NOVA1: variants seen among roughly 807,000 people sequenced by gnomAD.
NOVA1 encodes NOVA alternative splicing regulator 1, also known as RNA-binding protein Nova-1.
NOVA1 carries 7 observed loss-of-function variants against 38.0 expected under a neutral mutation model. The observed-to-expected ratio is 0.18, with a 90% CI of 0.10 to 0.35. The LOEUF (loss-of-function observed/expected upper bound fraction) is 0.35. Among genes scored for constraint, NOVA1 ranks in the 10% least tolerant of loss-of-function variants. The pLI, the probability that NOVA1 is intolerant of heterozygous loss-of-function variation, is 1.00. For synonymous variants in NOVA1, 270 were observed against 232.5 expected (o/e 1.16, Z -1.47); for missense variants, 460 against 616.0 (o/e 0.75, Z 2.68).
intron 2 of NOVA1, among the ~76,000 whole-genome samples, chr14:26,509,149 G>C (rs1438877271): frequency 1.3e-5 from 2 of 152,062 alleles, no homozygotes; most frequent in East Asian, 3.9e-4. Context: ...CTTCAAAGAT[G>C]AGTACATTTT....
chr14:26,477,306 T>C (rs1260239418), intron 3 of NOVA1, among the ~76,000 whole-genome samples: 1 of 152,170 alleles, frequency 6.6e-6, no homozygotes, highest in Non-Finnish European at 1.5e-5. Context: ...TGATTTTTTT[T>C]AAATACAAGA....
At chr14:26,530,147 T>C (rs527481145) in intron 2 of NOVA1, among the ~76,000 whole-genome samples, 367 of 152,298 alleles carry the variant, frequency 2.4e-3, no homozygotes, top group Non-Finnish European at 4.3e-3. Flanking sequence ...CTCGATCTCC[T>C]GACCTCATGA....
chr14:26,494,178 A>C (rs1030348690), intron 2 of NOVA1, among the ~76,000 whole-genome samples: 2 of 152,088 alleles, frequency 1.3e-5, no homozygotes, highest in Non-Finnish European at 2.9e-5. Flanking sequence ...GGTTACCTCA[A>C]GTTTGAGCAT....
At chr14:26,496,195 G>C (rs1431358528) in intron 2 of NOVA1, among the ~76,000 whole-genome samples, 2 of 151,936 alleles carry the variant, frequency 1.3e-5, no homozygotes, top group African/African-American at 4.8e-5. Context: ...CATTCTAACT[G>C]GTGTGAGATG....
rs1451351341 is a variant in NOVA1, at chr14:26,448,585, A to G, written c.898T>C (p.Phe300Leu). 1 of 1,614,224 alleles carries G rather than the reference A, an allele frequency of 6.2e-7. No individual in the cohort carries two copies. Among genetic ancestry groups the G allele is most frequent in the Admixed American group, 1.7e-5 (1 of 60,022 alleles). ...GHANLAGVAA[F>L]PAVLSGFTGN... ...GTGAAGCCAGATAAAACTGCTGGAA[A>G]GGCTGCAACGCCAGCAAGGTTAGCA... The change falls in exon 5 of 5, where the codon TTT (phenylalanine) becomes CTT (leucine). Residue 300 changes from phenylalanine (F) to leucine (L), a missense_variant. By Grantham distance (22) the Phe-to-Leu change is conservative (BLOSUM62 0). Transcript: ENST00000539517. This position sits in a 1 kb window ranked among gnomAD's most constrained non-coding sequence, Gnocchi z 5.3.
chr14:26,554,438 A>C (rs950696243), intron 2 of NOVA1, among the ~76,000 whole-genome samples: 3 of 152,144 alleles, frequency 2.0e-5, no homozygotes, highest in Admixed American at 6.5e-5. Context: ...CCAACACTCT[A>C]TAATCTCCTA....
At chr14:26,583,219 ATAT>A (rs1893325375) in intron 2 of NOVA1, among the ~76,000 whole-genome samples, 1 of 151,728 alleles carries the variant, frequency 6.6e-6, no homozygotes, top group Non-Finnish European at 1.5e-5. Flanking sequence ...ATTCAAATAA[ATAT>A]TATTTGGAAA....
At chr14:26,567,882 C>T (rs1210318096) in intron 2 of NOVA1, among the ~76,000 whole-genome samples, 1 of 152,188 alleles carries the variant, frequency 6.6e-6, no homozygotes, top group Non-Finnish European at 1.5e-5. Flanking sequence ...CTCTGAACTG[C>T]TGCACCTTTA....
At position 26,572,889 on chromosome 14, in the gene NOVA1, A is replaced by T. The variant is rs1892579519; in HGVS notation, c.280+22521T>A. On this transcript the variant is annotated intron_variant, in intron 2 of 4. Coordinates refer to ENST00000539517, the MANE Select transcript of NOVA1 (RefSeq NM_002515.3). Reference sequence around the variant, plus strand: ...TTAGGGTAAGGTAATTTACAGAAAGACTTTATGTAAGGTATAAACAATCAC... The same window carrying T: ...TTAGGGTAAGGTAATTTACAGAAAGTCTTTATGTAAGGTATAAACAATCAC... Among the ~76,000 whole-genome samples the T allele has an allele frequency of 1.3e-5, 2 of 152,100 alleles. 1 individual carries two copies. Among genetic ancestry groups the T allele is most frequent in the South Asian group, 4.1e-4 (2 of 4,832 alleles).
chr14:26,456,340 G>A (rs1181896298), intron 4 of NOVA1, among the ~76,000 whole-genome samples: 3 of 151,946 alleles, frequency 2.0e-5, no homozygotes, highest in African/African-American at 7.2e-5. Context: ...TCCAAGTGAA[G>A]ATGCCAAATA....
intron 4 of NOVA1, among the ~76,000 whole-genome samples, chr14:26,467,421 T>C (rs1408104159): frequency 1.3e-5 from 2 of 152,248 alleles, no homozygotes; most frequent in South Asian, 4.1e-4. Flanking sequence ...CTGAAGTGGA[T>C]TTAAGAATGG....
chr14:26,452,663 G>A (rs1451321518), intron 4 of NOVA1, among the ~76,000 whole-genome samples: 3 of 152,060 alleles, frequency 2.0e-5, no homozygotes, highest in Admixed American at 6.5e-5. Context: ...CTAAAGAATC[G>A]GGAGAAAAGA....
intron 4 of NOVA1, among the ~76,000 whole-genome samples, chr14:26,451,506 TA>T (rs1024072247): frequency 1.3e-5 from 2 of 152,124 alleles, no homozygotes; most frequent in Non-Finnish European, 2.9e-5. Flanking sequence ...TAGCTGGGAC[TA>T]CAAGGCATGC....
chr14:26,486,879 C>T (rs1195358802), intron 2 of NOVA1, among the ~76,000 whole-genome samples: 2 of 151,546 alleles, frequency 1.3e-5, no homozygotes, highest in Non-Finnish European at 2.9e-5. Context: ...ATGCTTTCTT[C>T]TTAAAAGATT....
At chr14:26,530,140 G>A (rs923327417) in intron 2 of NOVA1, among the ~76,000 whole-genome samples, 2 of 152,090 alleles carry the variant, frequency 1.3e-5, no homozygotes, top group African/African-American at 2.4e-5. Context: ...GGATGGTCTC[G>A]ATCTCCTGAC....
intron 2 of NOVA1, among the ~76,000 whole-genome samples, chr14:26,544,628 T>G (rs1890675133): frequency 6.6e-6 from 1 of 151,988 alleles, no homozygotes; most frequent in African/African-American, 2.4e-5. Context: ...AAACATTTTC[T>G]TCATTACTTG....
chr14:26,451,129 A>T (rs1462718869), intron 4 of NOVA1, among the ~76,000 whole-genome samples: 2 of 152,276 alleles, frequency 1.3e-5, no homozygotes, highest in East Asian at 3.9e-4. Flanking sequence ...TTATTATTTT[A>T]TAACATTCAC....
intron 2 of NOVA1, among the ~76,000 whole-genome samples, chr14:26,501,155 A>C (rs1028855787): frequency 5.9e-5 from 9 of 152,200 alleles, no homozygotes; most frequent in Middle Eastern, 3.4e-3. Context: ...AATTTTACGA[A>C]GGTAGCAATT....
intron 2 of NOVA1, among the ~76,000 whole-genome samples, chr14:26,586,252 T>G (rs1566561028): frequency 6.6e-6 from 1 of 151,328 alleles, no homozygotes; most frequent in Non-Finnish European, 1.5e-5. Flanking sequence ...ACATAGTCCT[T>G]AAGCCTATAA....
Sources: gnomAD v4.1 joint callset for allele counts (sites outside exome capture counted in the v4.1 genomes callset) on GRCh38, gnomAD v4.1.1 for gene constraint, Gnocchi (gnomAD v3.1) non-coding constraint, MANE v1.5 for transcripts, NCBI Gene and HGNC (gene_info 2026-07-23, HGNC 2026-07-21) for gene names.